The following PLA2G5 variants were observed in gnomAD, a reference collection of about 807,000 sequenced individuals.
PLA2G5 encodes the protein phospholipase A2 group V, also known as Ca2+-dependent phospholipase A2.
Under a neutral mutation model 15.9 loss-of-function variants are expected in PLA2G5, and 12 were observed. The ratio of observed to expected loss-of-function variants is 0.76; its 90% CI spans 0.48 to 1.23. PLA2G5 has a LOEUF of 1.23. Ranked by LOEUF, PLA2G5 falls within the 50% of genes most tolerant of loss-of-function variation. PLA2G5 has a pLI of 0.00. For missense variants in PLA2G5, 169 were observed against 177.1 expected (o/e 0.95, Z 0.26); for synonymous variants, 71 against 71.4 (o/e 0.99, Z 0.03).
At chr1:20,089,033 G>C in intron 3 of PLA2G5, 1 of 152,294 alleles carries the variant, frequency 6.6e-6, no homozygotes, top group Non-Finnish European at 1.5e-5. Context: ...TCAAACTCCT[G>C]GACTTGAGCA....
chr1:20,051,215 G>T (rs1017118465), intron 1 of PLA2G5, among the ~76,000 whole-genome samples: 2 of 152,072 alleles, frequency 1.3e-5, no homozygotes, highest in African/African-American at 4.8e-5. Context: ...GTCTTGTTTA[G>T]GTCCTCTTTA....
chr1:20,065,184 C>T (rs1288230276), intron 2 of PLA2G5, among the ~76,000 whole-genome samples: 4 of 152,122 alleles, frequency 2.6e-5, no homozygotes, highest in South Asian at 4.1e-4. Flanking sequence ...TATACCGCCC[C>T]CTTATCCCAA....
chr1:20,088,470 C>CT (rs57538971), intron 3 of PLA2G5, among the ~76,000 whole-genome samples: 3,931 of 141,964 alleles, frequency 0.028, 135 homozygotes, highest in African/African-American at 0.078. Flanking sequence ...TCAATTATGG[C>CT]TTTTTTTTTT....
chr1:20,047,718 T>TTGTG (rs57199460), intron 1 of PLA2G5, among the ~76,000 whole-genome samples: 187 of 147,538 alleles, frequency 1.3e-3, no homozygotes, highest in African/African-American at 3.7e-3. Flanking sequence ...TATAGGATCT[T>TTGTG]TGTGTGTGTG....
chr1:20,034,004 G>T (rs929656203), intron 1 of PLA2G5, among the ~76,000 whole-genome samples: 2 of 152,112 alleles, frequency 1.3e-5, no homozygotes, highest in African/African-American at 4.8e-5. Context: ...TGGTTGATTT[G>T]GGACGGCCAA....
At chr1:20,028,446 A>G (rs1369668019) in exon 1 of PLA2G5, 1 of 152,202 alleles carries the variant, frequency 6.6e-6, no homozygotes, top group Non-Finnish European at 1.5e-5. Context: ...GGGACTTACA[A>G]AATGGTGCAG....
chr1:20,054,187 A>G (rs970831491), intron 1 of PLA2G5, among the ~76,000 whole-genome samples: 19 of 152,328 alleles, frequency 1.2e-4, no homozygotes, highest in African/African-American at 4.3e-4. Flanking sequence ...TCTCAATTCA[A>G]TCCGCTAAGG....
chr1:20,064,001 C>CA, intron 2 of PLA2G5, among the ~76,000 whole-genome samples: 1 of 152,320 alleles, frequency 6.6e-6, no homozygotes, highest in East Asian at 1.9e-4. Context: ...CTCTAGAATG[C>CA]AAAATGCACT....
At chr1:20,071,228 A>G (rs183859792) in intron 1 of PLA2G5, among the ~76,000 whole-genome samples, 11 of 152,298 alleles carry the variant, frequency 7.2e-5, no homozygotes, top group Admixed American at 6.5e-5. Flanking sequence ...GAAGGCCCAT[A>G]AAGAACTTAG....
chr1:20,054,009 T>C (rs79339988), intron 1 of PLA2G5, among the ~76,000 whole-genome samples: 2,035 of 152,350 alleles, frequency 0.013, 39 homozygotes, highest in Non-Finnish European at 0.018. Flanking sequence ...AGATTTGTTA[T>C]CTCACAAGAC....
chr1:20,034,182 A>G (rs2013120074), intron 1 of PLA2G5, among the ~76,000 whole-genome samples: 1 of 152,072 alleles, frequency 6.6e-6, no homozygotes, highest in African/African-American at 2.4e-5. Context: ...TTATTGATGT[A>G]TTGGAGGAGG....
At chr1:20,044,904 C>T (rs1190252984) in intron 1 of PLA2G5, among the ~76,000 whole-genome samples, 1 of 151,434 alleles carries the variant, frequency 6.6e-6, no homozygotes, top group East Asian at 1.9e-4. Context: ...ACTGAGGGGA[C>T]AGAGGGGAGG....
chr1:20,084,995 C>T, intron 2 of PLA2G5, 125 bp downstream of exon 2: 2 of 758,738 alleles, frequency 2.6e-6, no homozygotes, highest in Non-Finnish European at 4.8e-6. Context: ...GCACTGACTG[C>T]ATAGACATTC....
intron 1 of PLA2G5, among the ~76,000 whole-genome samples, chr1:20,076,284 A>G (rs963713159): frequency 3.3e-5 from 5 of 151,136 alleles, no homozygotes; most frequent in Non-Finnish European, 5.9e-5. Context: ...TTAGGGCTGT[A>G]TGGAGCCCTG....
At chr1:20,086,375 C>A in intron 3 of PLA2G5, 148 bp downstream of exon 3, 1 of 921,258 alleles carries the variant, frequency 1.1e-6, no homozygotes, top group Non-Finnish European at 1.6e-6. Flanking sequence ...GCTGGCAATC[C>A]CAAGATCTCA....
chr1:20,053,575 G>C (rs1048075640), intron 1 of PLA2G5, among the ~76,000 whole-genome samples: 14 of 143,142 alleles, frequency 9.8e-5, no homozygotes, highest in African/African-American at 3.1e-4. Flanking sequence ...CTTTGCGGGG[G>C]GGGGGGTGAT....
chr1:20,059,596 A>G (rs1008234784), intron 1 of PLA2G5: 1 of 152,238 alleles, frequency 6.6e-6, no homozygotes, highest in African/African-American at 2.4e-5. Flanking sequence ...TTATCTATGA[A>G]CTGGCTTGCT....
intron 1 of PLA2G5, among the ~76,000 whole-genome samples, chr1:20,050,523 A>T (rs564448675): frequency 6.6e-6 from 1 of 152,326 alleles, no homozygotes; most frequent in East Asian, 1.9e-4. Context: ...GACTAACAAG[A>T]TCTTCTTGAA....
intron 1 of PLA2G5, among the ~76,000 whole-genome samples, chr1:20,054,993 C>A (rs1225955435): frequency 1.3e-5 from 2 of 152,102 alleles, no homozygotes; most frequent in Non-Finnish European, 2.9e-5. Flanking sequence ...TGCAGGCATT[C>A]CTCTTATAAT....
Sources: gnomAD v4.1 joint callset for allele counts (sites outside exome capture counted in the v4.1 genomes callset) on GRCh38, gnomAD v4.1.1 for gene constraint, MANE v1.5 for transcripts, NCBI Gene and HGNC (gene_info 2026-07-23, HGNC 2026-07-21) for gene names.